Variants in SLCO4A1 observed in about 807,000 individuals in gnomAD.
The protein encoded by SLCO4A1 is solute carrier organic anion transporter family member 4A1.
In SLCO4A1, 51 loss-of-function variants were observed where a neutral mutation model predicts 64.6. That is an observed-to-expected ratio of 0.79 (90% CI 0.63 to 1.00). The LOEUF (loss-of-function observed/expected upper bound fraction) is 1.00, where lower values mean the gene tolerates loss of function less well. Ranked by LOEUF, SLCO4A1 falls within the 50% of genes least tolerant of loss-of-function variation. The pLI is 0.00. For missense variants in SLCO4A1, 919 were observed against 980.5 expected, an observed-to-expected ratio of 0.94 and a Z score of 0.84; for synonymous variants, 471 against 444.9, an observed-to-expected ratio of 1.06 and a Z score of -0.74.
rs8119890 is a variant in SLCO4A1 at position 62,661,852 on chromosome 20, G to C, written c.1121+677G>C. ...GTGAACCCGGGGCCCTGAGCCGGTG[G>C]GGTCCTAGAGGGACAACAGAGGGGC... On this transcript the variant is annotated intron_variant, in intron 5 of 11. Coordinates refer to ENST00000217159, the MANE Select transcript of SLCO4A1 (RefSeq NM_016354.4). This position sits in a 1 kb window ranked among gnomAD's most constrained non-coding sequence, Gnocchi z 5.2. Among the ~76,000 whole-genome samples, 1 of 151,620 alleles carries C rather than the reference G, an allele frequency of 6.6e-6. No homozygotes were observed. The highest frequency in any genetic ancestry group is 2.4e-5 in the African/African-American group (1 of 41,256).
chr20:62,666,147 C>CCCTTCCCCTTCT, intron 6 of SLCO4A1: 1 of 159,482 alleles, frequency 6.3e-6, no homozygotes, highest in Non-Finnish European at 1.3e-5. Context: ...CTTCCCCTTC[C>CCCTTCCCCTTCT]CCTTCCCCTC....
chr20:62,658,234 T>G (rs1984102556), intron 2 of SLCO4A1, among the ~76,000 whole-genome samples: 1 of 152,194 alleles, frequency 6.6e-6, no homozygotes, highest in Admixed American at 6.5e-5. Context: ...CAGGCGGGTG[T>G]TGAGATCACC....
intron 1 of SLCO4A1, among the ~76,000 whole-genome samples, chr20:62,643,925 A>G (rs985177567): frequency 2.6e-5 from 4 of 152,200 alleles, no homozygotes; most frequent in African/African-American, 9.6e-5. Flanking sequence ...TGAGGCACCA[A>G]GAGGTTAAGT....
downstream of SLCO4A1, among the ~76,000 whole-genome samples, chr20:62,676,373 A>G (rs745784749): frequency 8.5e-5 from 13 of 152,206 alleles, no homozygotes; most frequent in Non-Finnish European, 1.8e-4. Context: ...TGAGCCATGA[A>G]TGTGCCACTG....
At chr20:62,676,352 C>T (rs1283996425), downstream of SLCO4A1, among the ~76,000 whole-genome samples, 2 of 152,162 alleles carry the variant, frequency 1.3e-5, no homozygotes, top group Non-Finnish European at 2.9e-5. Flanking sequence ...CCTGGGAGGT[C>T]AAGGCTGTCG....
intron 2 of SLCO4A1, among the ~76,000 whole-genome samples, chr20:62,683,494 A>G (rs1987927621): frequency 6.6e-6 from 1 of 152,124 alleles, no homozygotes; most frequent in South Asian, 2.1e-4. Flanking sequence ...GGACTGCAAG[A>G]ATACAGTCAC....
intron 1 of SLCO4A1, 133 bp from the exon 2 acceptor site, chr20:62,656,226 T>G: frequency 1.2e-5 from 6 of 509,956 alleles, no homozygotes; most frequent in East Asian, 6.2e-5. Flanking sequence ...CCACCCTGGA[T>G]TTGGGAGGCT....
chr20:62,656,640 C>G lies in SLCO4A1; in HGVS notation c.186C>G (p.Leu62=), dbSNP rs553065528. The stretch of plus-strand genomic sequence containing the variant: ...CCAGCAAGCAGCCCCTCTGCCAGCT[C>G]TGGGCCGAGAAGCATGGCGCCCGGG... ...LDTSKQPLCQ[L]WAEKHGARGT... Residue 62 remains leucine, a synonymous_variant, in exon 2 of 12, where the codon CTC becomes CTG. Coordinates refer to ENST00000217159, the MANE Select transcript of SLCO4A1 (RefSeq NM_016354.4). 1.9e-6 allele frequency: 3 copies of G among 1,602,522 alleles called. No individual in the cohort carries two copies. The African/African-American group carries it at 4.0e-5, about 21-fold the overall frequency.
chr20:62,643,012 A>T (rs559508794), intron 1 of SLCO4A1: 101 of 469,770 alleles, frequency 2.1e-4, no homozygotes, highest in Non-Finnish European at 3.6e-4. Flanking sequence ...GGAGTCACCC[A>T]CCTGCGGCGG....
intron 2 of SLCO4A1, among the ~76,000 whole-genome samples, chr20:62,681,469 C>CGT (rs10622662): frequency 0.75 from 109,839 of 145,760 alleles, 41,706 homozygotes; most frequent in African/African-American, 0.81. Context: ...TGTACACACT[C>CGT]GTGTGTGTGT....
chr20:62,651,535 TAA>T (rs1237793138), intron 1 of SLCO4A1: 1 of 152,238 alleles, frequency 6.6e-6, no homozygotes, highest in African/African-American at 2.4e-5. Context: ...GGCTGATATT[TAA>T]AAGAGGATTT....
chr20:62,657,255 G>C lies in SLCO4A1; in HGVS notation c.796+5G>C, dbSNP rs1051007582. The stretch of plus-strand genomic sequence containing the variant: ...GCTGCTCGCCCGTCTACATTGGTGA[G>C]TGGGGCTGGCGGGGTAAGTGCTGGC... On this transcript the variant is annotated splice_donor_5th_base_variant and intron_variant, in intron 2 of 11. Coordinates refer to ENST00000217159, the MANE Select transcript of SLCO4A1 (RefSeq NM_016354.4). 2 of 1,517,436 alleles carry C rather than the reference G, an allele frequency of 1.3e-6. No homozygotes were observed. The highest frequency in any genetic ancestry group is 1.8e-6 in the Non-Finnish European group (2 of 1,124,442). 94.0% of individuals were successfully genotyped at this position (1,517,436 alleles called of 1,614,324 possible). A position where few individuals can be genotyped will look rare whatever the true frequency, so the allele number is the denominator to read the frequency against.
rs1401648552 is a variant in SLCO4A1, at chr20:62,671,790, A to G, written c.2066A>G (p.Tyr689Cys). 22 of 1,613,538 alleles carry G rather than the reference A, an allele frequency of 1.4e-5. No homozygotes were observed. Among genetic ancestry groups the G allele is most frequent in the Non-Finnish European group, 1.8e-5 (21 of 1,180,004 alleles). ...VLFFAIACFLYKPLSESSDGL... is the reference protein window; with the variant it reads ...VLFFAIACFLCKPLSESSDGL... Reference sequence around the variant, plus strand: ...TTCTTTGCCATAGCCTGCTTCTTATACAAGCCCCTGTCGGAGTCTTCAGAT... The same window carrying G: ...TTCTTTGCCATAGCCTGCTTCTTATGCAAGCCCCTGTCGGAGTCTTCAGAT... The change falls in exon 12 of 12, where the codon TAC becomes TGC. Residue 689 changes from tyrosine (Y) to cysteine (C), a missense_variant. Coordinates refer to ENST00000217159, the MANE Select transcript of SLCO4A1 (RefSeq NM_016354.4).
chr20:62,661,041 C>CCCCCCCCCCCCCCCCCAAAAA lies in SLCO4A1; in HGVS notation c.1010-23_1010-22insCCCCCCCCCCCCCCCCAAAAA. On this transcript the variant is annotated intron_variant, in intron 4 of 11. Coordinates refer to ENST00000217159, the MANE Select transcript of SLCO4A1 (RefSeq NM_016354.4). The surrounding 1 kb of genome is among the most constrained non-coding windows in gnomAD (Gnocchi z 5.2). ...TCCGGGAGCCCCCAGCCCCCAGCCC[C>CCCCCCCCCCCCCCCCCAAAAA]AGCTCACTCTGTGCCCTTCCAGGCT... is the stretch of plus-strand genomic sequence containing the variant. 7.0e-7 allele frequency: 1 copy of CCCCCCCCCCCCCCCCCAAAAA among 1,424,144 alleles called. No individual in the cohort carries two copies. The highest frequency in any genetic ancestry group is 9.9e-7 in the Non-Finnish European group (1 of 1,010,142). 88.2% of individuals were successfully genotyped at this position (1,424,144 alleles called of 1,614,324 possible).
At chr20:62,669,866 G>T (rs764235768) in intron 11 of SLCO4A1, 1 of 152,196 alleles carries the variant, frequency 6.6e-6, no homozygotes, top group Non-Finnish European at 1.5e-5. Context: ...TCTGAGCAGG[G>T]CCTTGTGTGG....
intron 7 of SLCO4A1, chr20:62,667,402 T>G: frequency 3.9e-6 from 1 of 254,044 alleles, no homozygotes; most frequent in Non-Finnish European, 7.6e-6. Flanking sequence ...GAGGCTGCCT[T>G]TGTGTACTTG....
intron 11 of SLCO4A1, chr20:62,670,194 G>A (rs535162533): frequency 2.0e-5 from 3 of 152,314 alleles, no homozygotes; most frequent in African/African-American, 4.8e-5. Flanking sequence ...TACGCCTTTC[G>A]CTTTGGCATA....
rs144381587 is a variant in SLCO4A1, at chr20:62,661,021, GAGCCCCC to G, written c.1010-29_1010-23del. 1.0e-3 allele frequency: 565 copies of G among 546,520 alleles called. 14 individuals carry two copies. The highest frequency in any genetic ancestry group is 1.7e-3 in the Non-Finnish European group (485 of 282,276). 33.9% of individuals were successfully genotyped at this position (546,520 alleles called of 1,614,324 possible). A position where few individuals can be genotyped will look rare whatever the true frequency, so the allele number is the denominator to read the frequency against. On this transcript the variant is annotated intron_variant, in intron 4 of 11. Coordinates refer to ENST00000217159, the MANE Select transcript of SLCO4A1 (RefSeq NM_016354.4). This position sits in a 1 kb window ranked among gnomAD's most constrained non-coding sequence, Gnocchi z 5.2. ...CTCTCTCGGAGAAGTCCACCTCCGG[GAGCCCCC>G]AGCCCCCAGCCCCAGCTCACTCTGT...
intron 1 of SLCO4A1, among the ~76,000 whole-genome samples, chr20:62,654,640 C>A (rs1479461966): frequency 6.6e-6 from 1 of 152,224 alleles, no homozygotes; most frequent in Admixed American, 6.5e-5. Flanking sequence ...TGTCAGTGGG[C>A]AGCATTTCTC....
Sources: allele counts gnomAD v4.1 joint callset (sites outside exome capture counted in the v4.1 genomes callset), GRCh38; gene constraint gnomAD v4.1.1; non-coding constraint Gnocchi (gnomAD v3.1); transcripts MANE v1.5; gene names NCBI Gene and HGNC (gene_info 2026-07-23, HGNC 2026-07-21).